SELENOI: variants seen among roughly 807,000 people sequenced by gnomAD.
SELENOI encodes ethanolaminephosphotransferase 1.
SELENOI carries 24 observed loss-of-function variants against 50.7 expected under a neutral mutation model. The ratio of observed to expected loss-of-function variants is 0.47; its 90% CI spans 0.34 to 0.67. SELENOI has a LOEUF of 0.67. Among genes scored for constraint, SELENOI ranks in the 30% least tolerant of loss-of-function variants. The pLI, the probability that SELENOI is intolerant of heterozygous loss-of-function variation, is 0.01. For synonymous variants in SELENOI, 155 were observed against 170.2 expected (o/e 0.91, Z 0.70); for missense variants, 352 against 461.4 (o/e 0.76, Z 2.17).
At chr2:26,355,809 C>T (rs1185869986) in intron 1 of SELENOI, among the ~76,000 whole-genome samples, 10 of 151,668 alleles carry the variant, frequency 6.6e-5, no homozygotes, top group East Asian at 3.9e-4. Context: ...GGCACTATCA[C>T]GGCTCACTGT....
chr2:26,377,631 CA>C (rs113537544), intron 6 of SELENOI, among the ~76,000 whole-genome samples: 170 of 142,288 alleles, frequency 1.2e-3, no homozygotes, highest in Middle Eastern at 3.5e-3. Flanking sequence ...GACCCTGTCT[CA>C]AAAAAAAAAA....
chr2:26,346,351 C>G, intron 1 of SELENOI, 62 bp downstream of exon 1: 2 of 1,539,160 alleles, frequency 1.3e-6, no homozygotes, highest in Non-Finnish European at 1.7e-6. Context: ...GGCTGAGGGG[C>G]CCGCGCGGCG....
intron 8 of SELENOI, among the ~76,000 whole-genome samples, chr2:26,386,130 T>C (rs1317100653): frequency 1.3e-5 from 2 of 152,170 alleles, no homozygotes; most frequent in Non-Finnish European, 2.9e-5. Flanking sequence ...TTCAGTTATC[T>C]TCCAGCCTCT....
At chr2:26,362,095 G>A (rs1336402746) in intron 1 of SELENOI, among the ~76,000 whole-genome samples, 1 of 152,066 alleles carries the variant, frequency 6.6e-6, no homozygotes, top group Admixed American at 6.5e-5. Flanking sequence ...TTGACTCTTT[G>A]CTAAAAGAGT....
intron 9 of SELENOI, among the ~76,000 whole-genome samples, chr2:26,388,559 T>G (rs1677896566): frequency 6.6e-6 from 1 of 152,200 alleles, no homozygotes; most frequent in Non-Finnish European, 1.5e-5. Context: ...ACTAAGCTCT[T>G]GCCTTCCCAC....
chr2:26,366,088 A>G (rs1677281238), intron 3 of SELENOI, among the ~76,000 whole-genome samples: 1 of 152,210 alleles, frequency 6.6e-6, no homozygotes, highest in Non-Finnish European at 1.5e-5. Flanking sequence ...GGTGTGAGCC[A>G]CTGCACCTGG....
chr2:26,365,526 C>G (rs758128993), intron 3 of SELENOI, among the ~76,000 whole-genome samples: 6 of 152,088 alleles, frequency 3.9e-5, no homozygotes, highest in Admixed American at 3.9e-4. Flanking sequence ...ATTGGGATGA[C>G]GAGGGAATAG....
chr2:26,351,055 GTTTTTTTTTTTTT>G (rs35623246), intron 1 of SELENOI, among the ~76,000 whole-genome samples: 2 of 102,898 alleles, frequency 1.9e-5, no homozygotes, highest in Non-Finnish European at 3.9e-5. Context: ...CTGTTTGTTT[GTTTTTTTTTTTTT>G]TTTTTTTTGA....
At chr2:26,354,619 C>T (rs1677028880) in intron 1 of SELENOI, among the ~76,000 whole-genome samples, 1 of 151,900 alleles carries the variant, frequency 6.6e-6, no homozygotes, top group African/African-American at 2.4e-5. Flanking sequence ...TCTTGATCTC[C>T]TGACTTCATG....
intron 1 of SELENOI, among the ~76,000 whole-genome samples, chr2:26,349,758 T>C (rs1428957311): frequency 2.0e-5 from 3 of 149,564 alleles, no homozygotes; most frequent in African/African-American, 7.4e-5. Context: ...TTTGAAATTG[T>C]ATCATTTTGC....
intron 6 of SELENOI, among the ~76,000 whole-genome samples, chr2:26,379,120 C>CG (rs1478910414): frequency 6.6e-6 from 1 of 152,008 alleles, no homozygotes; most frequent in Non-Finnish European, 1.5e-5. Flanking sequence ...CAAAATTAGC[C>CG]GGGTGTGGTG....
At position 26,385,136 on chromosome 2, in the gene SELENOI, T is replaced by C; in HGVS notation, c.909T>C (p.Ser303=). Residue 303 remains serine (S), a synonymous_variant, in exon 8 of 10, where the codon AGT becomes AGC. Transcript: ENST00000260585. ...YFMVGTAFAN[S]TCQLIVCQMS... ...TGGTTGGAACAGCTTTTGCCAACAG[T>C]ACAGTAAGATTTTTTTCTTTTAAAA... 1 of 1,511,414 alleles carries C rather than the reference T, an allele frequency of 6.6e-7. No homozygotes were observed. Among genetic ancestry groups the C allele is most frequent in the African/African-American group, 1.4e-5 (1 of 71,308 alleles). 93.6% of individuals were successfully genotyped at this position (1,511,414 alleles called of 1,614,324 possible).
At chr2:26,385,551 T>A (rs1433366189) in intron 8 of SELENOI, among the ~76,000 whole-genome samples, 1 of 152,180 alleles carries the variant, frequency 6.6e-6, no homozygotes, top group Non-Finnish European at 1.5e-5. Context: ...ATCAGCTGAT[T>A]TTAAGATTAA....
intron 1 of SELENOI, 140 bp downstream of exon 1, chr2:26,346,429 G>A (rs998799186): frequency 9.3e-7 from 1 of 1,071,842 alleles, no homozygotes; most frequent in Admixed American, 3.2e-5. Context: ...AGGTCCTGCG[G>A]GTCCTGGGGA....
At chr2:26,370,884 CACCCCCACCT>C (rs1350975113) in intron 4 of SELENOI, among the ~76,000 whole-genome samples, 1 of 126,626 alleles carries the variant, frequency 7.9e-6, no homozygotes. Context: ...GGGGGGCTGA[CACCCCCACCT>C]CCCTCCCGGA....
intron 4 of SELENOI, 84 bp downstream of exon 4, chr2:26,367,304 G>C: frequency 9.6e-7 from 1 of 1,046,758 alleles, no homozygotes; most frequent in South Asian, 1.5e-5. Context: ...ATTTTCTCCT[G>C]TGCTTAATTC....
In SELENOI at chr2:26,381,198, C is replaced by CTT. The variant is rs57102834; in HGVS notation, c.683-2071_683-2070dup. On this transcript the variant is annotated intron_variant, in intron 6 of 9. Transcript: ENST00000260585. Reference sequence around the variant, plus strand: ...TGGATTGTATCTCCTTCAGTTTGGTCTTTTTTTTTTTTTTTTTTTTTTTTT... The same window carrying CTT: ...TGGATTGTATCTCCTTCAGTTTGGTCTTTTTTTTTTTTTTTTTTTTTTTTTTT... Among the ~76,000 whole-genome samples the CTT allele has an allele frequency of 8.5e-3, 257 of 30,196 alleles. 36 individuals are homozygous for CTT. Among genetic ancestry groups the CTT allele is most frequent in the African/African-American group, 0.04 (219 of 5,532 alleles). 19.8% of individuals were successfully genotyped at this position (30,196 alleles called of 152,430 possible).
intron 6 of SELENOI, among the ~76,000 whole-genome samples, chr2:26,377,609 G>A (rs1677595008): frequency 6.6e-6 from 1 of 152,004 alleles, no homozygotes; most frequent in Non-Finnish European, 1.5e-5. Flanking sequence ...TCCAGCCTGG[G>A]CAACAGAGTC....
rs1574743216 is a variant in SELENOI, at chr2:26,346,156, A to C, written c.-77A>C. 2 of 1,609,380 alleles carry C rather than the reference A, an allele frequency of 1.2e-6. No homozygotes were observed. Among genetic ancestry groups the C allele is most frequent in the African/African-American group, 2.7e-5 (2 of 74,964 alleles). ...AGCCCAGTCTTTGCCATCCTTGCCCAGCCGGTGTGGTGCTTGTGTGTCACA... is the reference window on the plus strand; with the variant it reads ...AGCCCAGTCTTTGCCATCCTTGCCCCGCCGGTGTGGTGCTTGTGTGTCACA... On this transcript the variant is annotated 5_prime_UTR_variant, in exon 1 of 10. Coordinates refer to ENST00000260585, the MANE Select transcript of SELENOI (RefSeq NM_033505.4).
Sources: gnomAD v4.1 joint callset for allele counts (sites outside exome capture counted in the v4.1 genomes callset) on GRCh38, gnomAD v4.1.1 for gene constraint, MANE v1.5 for transcripts, NCBI Gene and HGNC (gene_info 2026-07-23, HGNC 2026-07-21) for gene names.